Variants in AFAP1L2 observed in about 807,000 individuals in gnomAD.
AFAP1L2 encodes the protein actin filament-associated protein 1-like 2.
A neutral mutation model predicts 99.3 loss-of-function variants in AFAP1L2; 46 were observed. The ratio of observed to expected loss-of-function variants is 0.46; its 90% CI spans 0.37 to 0.59. The LOEUF (loss-of-function observed/expected upper bound fraction) is 0.59, where lower values mean the gene tolerates loss of function less well. AFAP1L2 is among the 20% of genes least tolerant of loss of function. AFAP1L2 has a pLI of 0.00. For missense variants in AFAP1L2, 959 were observed against 1,034.9 expected, an observed-to-expected ratio of 0.93 and a Z score of 1.01; for synonymous variants, 397 against 419.1, an observed-to-expected ratio of 0.95 and a Z score of 0.64.
intron 4 of AFAP1L2, among the ~76,000 whole-genome samples, chr10:114,327,175 T>TATATATATATATATA (rs1564880771): frequency 0.017 from 948 of 55,422 alleles, 209 homozygotes; most frequent in East Asian, 0.041. Flanking sequence ...ATATATATAT[T>TATATATATATATATA]TTTTTTTTAG....
intron 1 of AFAP1L2, among the ~76,000 whole-genome samples, chr10:114,378,448 T>G (rs2055102063): frequency 6.6e-6 from 1 of 152,184 alleles, no homozygotes; most frequent in African/African-American, 2.4e-5. Context: ...CATGGGCAAA[T>G]GTTTAAAATA....
chr10:114,341,371 T>C (rs1384245185), intron 1 of AFAP1L2, among the ~76,000 whole-genome samples: 2 of 151,952 alleles, frequency 1.3e-5, no homozygotes, highest in Non-Finnish European at 2.9e-5. Flanking sequence ...CCCAGCACTT[T>C]GGGAGGCTGA....
chr10:114,363,502 G>T (rs1038017005), intron 1 of AFAP1L2, among the ~76,000 whole-genome samples: 8 of 152,218 alleles, frequency 5.3e-5, no homozygotes, highest in Non-Finnish European at 7.3e-5. Flanking sequence ...GCACTGGGCT[G>T]GGCACTTGTG....
intron 1 of AFAP1L2, among the ~76,000 whole-genome samples, chr10:114,371,988 G>C (rs910128647): frequency 3.9e-5 from 6 of 152,060 alleles, no homozygotes; most frequent in African/African-American, 9.7e-5. Context: ...AAAATGGAAG[G>C]CCTCTCCCCA....
At chr10:114,362,179 A>C (rs534693417) in intron 1 of AFAP1L2, among the ~76,000 whole-genome samples, 1 of 152,282 alleles carries the variant, frequency 6.6e-6, no homozygotes. Context: ...ATTAAATGCA[A>C]TGACACATGA....
intron 13 of AFAP1L2, 93 bp from the exon 14 acceptor site, chr10:114,300,783 C>T: frequency 6.8e-7 from 1 of 1,480,352 alleles, no homozygotes; most frequent in Non-Finnish European, 9.1e-7. Context: ...TTCTGGTGCC[C>T]ATCTCACAGT....
At chr10:114,317,520 C>G (rs2044320641) in intron 5 of AFAP1L2, among the ~76,000 whole-genome samples, 1 of 152,084 alleles carries the variant, frequency 6.6e-6, no homozygotes, top group Non-Finnish European at 1.5e-5. Context: ...CTCTTTGATC[C>G]AATAATCCCA....
chr10:114,372,298 T>G (rs1189910854), intron 1 of AFAP1L2, among the ~76,000 whole-genome samples: 2 of 152,212 alleles, frequency 1.3e-5, no homozygotes, highest in Non-Finnish European at 2.9e-5. Flanking sequence ...ATTCCAACAG[T>G]TCCCAGATTT....
At chr10:114,340,561 T>G (rs4752395) in intron 2 of AFAP1L2, 42 bp downstream of exon 2, 1,278,974 of 1,587,288 alleles carry the variant, frequency 0.81, 522,648 homozygotes, top group East Asian at 0.9. Flanking sequence ...AACCATCTCT[T>G]TTGGCGTGGA....
At chr10:114,367,730 C>A (rs1256490755) in intron 1 of AFAP1L2, among the ~76,000 whole-genome samples, 1 of 152,120 alleles carries the variant, frequency 6.6e-6, no homozygotes, top group African/African-American at 2.4e-5. Context: ...GGAGGCAGAA[C>A]GGGCAGAGGG....
At chr10:114,360,529 A>ATAGATAGT (rs2052191116) in intron 1 of AFAP1L2, among the ~76,000 whole-genome samples, 1 of 134,274 alleles carries the variant, frequency 7.4e-6, no homozygotes, top group Non-Finnish European at 1.7e-5. Context: ...AGATAGATAG[A>ATAGATAGT]TAGATAGATA....
the AFAP1L2 span, chr10:114,284,858 G>A: frequency 3.7e-6 from 6 of 1,605,416 alleles, no homozygotes; most frequent in South Asian, 6.7e-5. Context: ...GCATCTCTCT[G>A]ATAGGCCCCT....
chr10:114,376,150 C>T (rs2054769215), intron 1 of AFAP1L2, among the ~76,000 whole-genome samples: 1 of 152,188 alleles, frequency 6.6e-6, no homozygotes, highest in Admixed American at 6.5e-5. Flanking sequence ...CTTAAAGGAA[C>T]TGCACACACT....
chr10:114,336,945 C>T (rs2048063701), intron 2 of AFAP1L2, among the ~76,000 whole-genome samples: 1 of 152,234 alleles, frequency 6.6e-6, no homozygotes, highest in South Asian at 2.1e-4. Flanking sequence ...CACACATACA[C>T]ATCCTGCCCA....
At chr10:114,384,730 T>C (rs1370681878) in intron 1 of AFAP1L2, among the ~76,000 whole-genome samples, 2 of 152,218 alleles carry the variant, frequency 1.3e-5, no homozygotes, top group Non-Finnish European at 2.9e-5. Context: ...AGCCACAGCC[T>C]AGCCCACGGC....
At chr10:114,297,455 G>A (rs749446832) in intron 16 of AFAP1L2, 42 bp from the exon 17 acceptor site, 4 of 1,588,686 alleles carry the variant, frequency 2.5e-6, no homozygotes, top group Non-Finnish European at 1.7e-6. Flanking sequence ...CAGCATCTCA[G>A]CCCAGGCCAG....
At chr10:114,323,548 A>G (rs2045728574) in intron 4 of AFAP1L2, among the ~76,000 whole-genome samples, 1 of 152,150 alleles carries the variant, frequency 6.6e-6, no homozygotes, top group African/African-American at 2.4e-5. Flanking sequence ...CACACAAAAT[A>G]TCATTATGTA....
intron 1 of AFAP1L2, among the ~76,000 whole-genome samples, chr10:114,400,410 G>A (rs186216854): frequency 4.6e-5 from 7 of 152,252 alleles, no homozygotes; most frequent in East Asian, 1.9e-4. Flanking sequence ...GGGCTCCCAC[G>A]CAACTTCAAA....
intron 1 of AFAP1L2, among the ~76,000 whole-genome samples, chr10:114,364,066 G>A (rs4752046): frequency 0.12 from 18,274 of 152,238 alleles, 1,384 homozygotes; most frequent in East Asian, 0.24. Flanking sequence ...CTAGTTAAAG[G>A]TTAATGTCAC....
Sources: gnomAD v4.1 joint callset for allele counts (sites outside exome capture counted in the v4.1 genomes callset) on GRCh38, gnomAD v4.1.1 for gene constraint, MANE v1.5 for transcripts, NCBI Gene and HGNC (gene_info 2026-07-23, HGNC 2026-07-21) for gene names.